Variants in EPB41 observed in about 807,000 individuals in gnomAD.
EPB41 encodes protein 4.1.
EPB41 carries 65 observed loss-of-function variants against 108.0 expected under a neutral mutation model. That is an observed-to-expected ratio of 0.60 (90% confidence interval 0.49 to 0.74). EPB41 has a LOEUF of 0.74. Ranked by LOEUF, EPB41 falls within the 30% of genes least tolerant of loss-of-function variation. The probability of loss-of-function intolerance (pLI) is 0.00; values close to 1 mark genes in which losing one functional copy is unlikely to be tolerated. For missense variants in EPB41, 875 were observed against 1,037.0 expected (o/e 0.84, Z 2.15); for synonymous variants, 336 against 358.9 (o/e 0.94, Z 0.72).
Position 28,987,678 on chromosome 1 carries a change from C to G in EPB41, c.241C>G (p.Arg81Gly), listed in dbSNP as rs372209786. Residue 81 changes from arginine (R) to glycine (G), a missense_variant, in exon 2 of 21, where the codon CGA (arginine) becomes GGA (glycine). This residue lies in a region of EPB41 where 353 missense variants were observed against 393.2 expected (regional missense o/e 0.90). Transcript: ENST00000343067. ...ERTSESRGLS[R>G]LFSSFLKRPK... ...GACATCAGAAAGCAGAGGACTTTCA[C>G]GACTATTCTCCTCGTTTCTCAAAAG... 1.9e-6 allele frequency: 3 copies of G among 1,614,212 alleles called. No homozygotes were observed. In the Admixed American group the frequency reaches 5.0e-5, roughly 27 times the overall value.
intron 1 of EPB41, among the ~76,000 whole-genome samples, chr1:28,959,586 T>G (rs1384259694): frequency 6.6e-6 from 1 of 152,182 alleles, no homozygotes; most frequent in Non-Finnish European, 1.5e-5. Context: ...AATCTTTGTT[T>G]GGAAGAGAAA....
At chr1:28,967,441 C>G (rs1480118485) in intron 1 of EPB41, among the ~76,000 whole-genome samples, 1 of 152,090 alleles carries the variant, frequency 6.6e-6, no homozygotes, top group South Asian at 2.1e-4. Flanking sequence ...AACTGGTAAA[C>G]TATTTAATGT....
chr1:29,076,331 C>T (rs1048338015), intron 16 of EPB41, among the ~76,000 whole-genome samples: 1 of 152,172 alleles, frequency 6.6e-6, no homozygotes, highest in Non-Finnish European at 1.5e-5. Context: ...ATTCTCTCTC[C>T]AAAAAATTTT....
At chr1:29,070,107 G>A in intron 16 of EPB41, 1 of 321,868 alleles carries the variant, frequency 3.1e-6, no homozygotes, top group Non-Finnish European at 5.6e-6. Flanking sequence ...AAATAACATA[G>A]CAAGGGGAAA....
chr1:28,948,910 A>G (rs1016869945), intron 1 of EPB41, among the ~76,000 whole-genome samples: 2 of 152,150 alleles, frequency 1.3e-5, no homozygotes, highest in Non-Finnish European at 2.9e-5. Context: ...GATCACGCCA[A>G]CTGCACTCCA....
intron 7 of EPB41, among the ~76,000 whole-genome samples, 172 bp from the exon 8 acceptor site, chr1:29,030,228 C>T (rs527395317): frequency 6.6e-6 from 1 of 152,090 alleles, no homozygotes; most frequent in East Asian, 1.9e-4. Flanking sequence ...TATTTAGATA[C>T]AGGCAGTGAT....
rs544446336 is a variant in EPB41, at chr1:28,977,974, A to G, written c.-7-9457A>G. Among the ~76,000 whole-genome samples, 3 of 142,422 alleles carry G rather than the reference A, an allele frequency of 2.1e-5. No individual in the cohort carries two copies. The South Asian group carries it at 6.3e-4, about 30-fold the overall frequency. 93.4% of individuals were successfully genotyped at this position (142,422 alleles called of 152,430 possible). ...ATATTCTCTTTTTTTTTTTAAGAAC[A>G]TAGATGCAAACTCTCCTTAATCATT... On this transcript the variant is annotated intron_variant, in intron 1 of 20. Coordinates refer to ENST00000343067, the MANE Select transcript of EPB41 (RefSeq NM_001376013.1).
intron 16 of EPB41, among the ~76,000 whole-genome samples, chr1:29,088,157 C>T (rs1181663335): frequency 6.6e-6 from 1 of 151,784 alleles, no homozygotes; most frequent in Admixed American, 6.6e-5. Flanking sequence ...AGCGATTCTC[C>T]TTCCTCAGCC....
At chr1:28,915,524 G>C (rs2092567919) in intron 1 of EPB41, among the ~76,000 whole-genome samples, 1 of 151,982 alleles carries the variant, frequency 6.6e-6, no homozygotes, top group African/African-American at 2.4e-5. Context: ...CCCAAGAACA[G>C]GCATTCTCTT....
Position 29,033,120 on chromosome 1 carries a change from G to C in EPB41, c.1240G>C (p.Gly414Arg), listed in dbSNP as rs752484360. The C allele has an allele frequency of 6.2e-7, 1 of 1,613,878 alleles. No homozygotes were observed. The highest frequency in any genetic ancestry group is 8.5e-7 in the Non-Finnish European group (1 of 1,179,896). Residue 414 changes from glycine (G) to arginine (R), a missense_variant, in exon 9 of 21, where the codon GGT becomes CGT. Gly to Arg is a moderately radical substitution (Grantham distance 125). Around this residue, in one of 3 missense-constraint regions of EPB41, gnomAD observed 519 missense variants for 627.3 expected, o/e 0.83. Coordinates refer to ENST00000343067, the MANE Select transcript of EPB41 (RefSeq NM_001376013.1). The stretch of plus-strand genomic sequence containing the variant: ...CTTGGAAGGAGTAGATATCATCCTA[G>C]GTGTCTGCTCTAGTGGCCTTCTGGT... The part of the protein sequence containing the change: ...KDLEGVDIIL[G>R]VCSSGLLVYK...
chr1:28,913,332 G>C (rs536942178), upstream of EPB41, among the ~76,000 whole-genome samples: 2 of 152,272 alleles, frequency 1.3e-5, no homozygotes, highest in East Asian at 3.9e-4. Context: ...CAGCTACTCG[G>C]GAGGCTGAGG....
At chr1:28,976,776 TGG>T (rs1557882140) in intron 1 of EPB41, among the ~76,000 whole-genome samples, 2 of 152,204 alleles carry the variant, frequency 1.3e-5, no homozygotes, top group African/African-American at 4.8e-5. Context: ...TTAATAATAC[TGG>T]TTCTGCGTGG....
At chr1:28,981,152 G>C (rs989730689) in intron 1 of EPB41, among the ~76,000 whole-genome samples, 1 of 152,166 alleles carries the variant, frequency 6.6e-6, no homozygotes, top group Non-Finnish European at 1.5e-5. Context: ...AAATAATTAC[G>C]TGCACAGTAG....
At chr1:29,009,718 A>C (rs2096467243) in intron 4 of EPB41, among the ~76,000 whole-genome samples, 1 of 152,218 alleles carries the variant, frequency 6.6e-6, no homozygotes, top group South Asian at 2.1e-4. Context: ...AAGACTAAGG[A>C]GAAAACACCC....
intron 17 of EPB41, among the ~76,000 whole-genome samples, chr1:29,102,223 T>C (rs1357572595): frequency 2.6e-5 from 4 of 152,172 alleles, no homozygotes; most frequent in Non-Finnish European, 5.9e-5. Flanking sequence ...TTAAATACAT[T>C]ATGGTACATC....
At chr1:29,014,607 C>T (rs1220632678) in intron 5 of EPB41, among the ~76,000 whole-genome samples, 1 of 151,666 alleles carries the variant, frequency 6.6e-6, no homozygotes, top group African/African-American at 2.4e-5. Context: ...ACTCTGCCAC[C>T]CAGGCTGGAG....
intron 2 of EPB41, among the ~76,000 whole-genome samples, chr1:28,992,280 TTTAA>T (rs1379081548): frequency 6.6e-6 from 1 of 152,230 alleles, no homozygotes; most frequent in African/African-American, 2.4e-5. Context: ...CTTTTTTTCT[TTTAA>T]TTGTTTTCCA....
At chr1:29,023,560 G>T (rs1011663753) in intron 7 of EPB41, among the ~76,000 whole-genome samples, 16 of 151,674 alleles carry the variant, frequency 1.1e-4, no homozygotes, top group African/African-American at 3.6e-4. Flanking sequence ...GGTAGCACAT[G>T]CCTGTAATCC....
intron 1 of EPB41, among the ~76,000 whole-genome samples, chr1:28,928,179 G>T (rs1172595658): frequency 2.0e-5 from 3 of 151,746 alleles, no homozygotes; most frequent in South Asian, 4.2e-4. Context: ...GTAATTTGTG[G>T]TATTCTATTG....
Sources: allele counts gnomAD v4.1 joint callset (sites outside exome capture counted in the v4.1 genomes callset), GRCh38; gene constraint gnomAD v4.1.1; regional missense constraint gnomAD v4.1.1; transcripts MANE v1.5; gene names NCBI Gene and HGNC (gene_info 2026-07-23, HGNC 2026-07-21).